SH3RF3: variants seen among roughly 807,000 people sequenced by gnomAD.
The protein encoded by SH3RF3 is SH3 domain containing ring finger 3.
Under a neutral mutation model 66.3 loss-of-function variants are expected in SH3RF3, and 29 were observed. The ratio of observed to expected loss-of-function variants is 0.44; its 90% CI spans 0.33 to 0.60. The LOEUF (loss-of-function observed/expected upper bound fraction) is 0.60, where lower values mean the gene tolerates loss of function less well. SH3RF3 is among the 20% of genes least tolerant of loss of function. The pLI, the probability that SH3RF3 is intolerant of heterozygous loss-of-function variation, is 0.04. For missense variants in SH3RF3, 1,194 were observed against 1,190.9 expected (o/e 1.00, Z -0.04); for synonymous variants, 583 against 532.0 (o/e 1.10, Z -1.32).
intron 1 of SH3RF3, among the ~76,000 whole-genome samples, chr2:109,292,521 C>G (rs932195891): frequency 6.6e-6 from 1 of 152,156 alleles, no homozygotes; most frequent in Non-Finnish European, 1.5e-5. Flanking sequence ...TTCACCTATC[C>G]GACGTTTAGC....
At position 109,315,783 on chromosome 2, in the gene SH3RF3, T is replaced by G. The variant is rs183070608; in HGVS notation, c.574-31891T>G. On this transcript the variant is annotated intron_variant, in intron 1 of 9. Transcript: ENST00000309415. ...TTAGAGTATTCAGGTGAATGCCGGT[T>G]GCTGCCTTGGTGTGGAAGGGACGTC... is the stretch of plus-strand genomic sequence containing the variant. Among the ~76,000 whole-genome samples, 1,226 of 152,356 alleles carry G rather than the reference T, an allele frequency of 8.0e-3. 17 individuals carry two copies. The highest frequency in any genetic ancestry group is 0.011 in the Non-Finnish European group (731 of 68,038).
chr2:109,488,813 G>C (rs567110484), intron 8 of SH3RF3, among the ~76,000 whole-genome samples: 1 of 152,312 alleles, frequency 6.6e-6, no homozygotes, highest in East Asian at 1.9e-4. Context: ...CAACCTCCAG[G>C]GCCTGGCACG....
intron 1 of SH3RF3, among the ~76,000 whole-genome samples, chr2:109,299,203 G>C (rs546549289): frequency 6.6e-6 from 1 of 152,210 alleles, no homozygotes; most frequent in Non-Finnish European, 1.5e-5. Context: ...TTAAAACTGC[G>C]ACCCTGCCTC....
At chr2:109,207,013 G>T (rs557757210) in intron 1 of SH3RF3, among the ~76,000 whole-genome samples, 2 of 152,292 alleles carry the variant, frequency 1.3e-5, no homozygotes, top group Admixed American at 1.3e-4. Context: ...ATTTGCAGGA[G>T]GTGAGAACCA....
Position 109,490,635 on chromosome 2 carries a change from C to T in SH3RF3, c.2179C>T (p.Leu727=), listed in dbSNP as rs1219340447. ...GAAGAAGAGTGGGCTCCTGAAGCTT[C>T]TAGCCGGAGCATCCACCAAGAAGAA... ...KEKKSGLLKL[L]AGASTKKKSR... The change falls in exon 9 of 10, where the codon CTA becomes TTA. Residue 727 remains leucine (L), a synonymous_variant. Coordinates refer to ENST00000309415, the MANE Select transcript of SH3RF3 (RefSeq NM_001099289.3). 4 of 1,485,160 alleles carry T rather than the reference C, an allele frequency of 2.7e-6. No individual in the cohort carries two copies. The highest frequency in any genetic ancestry group is 3.6e-6 in the Non-Finnish European group (4 of 1,115,444). The allele number at this position is 1,485,160 out of a possible 1,614,324, so 92.0% of individuals were successfully genotyped here.
intron 1 of SH3RF3, among the ~76,000 whole-genome samples, chr2:109,196,578 T>A (rs1678503725): frequency 6.6e-6 from 1 of 152,108 alleles, no homozygotes. Flanking sequence ...TGGCCCTACA[T>A]CATGTGGCTG....
At chr2:109,375,852 A>G (rs1397847025) in intron 3 of SH3RF3, among the ~76,000 whole-genome samples, 3 of 152,240 alleles carry the variant, frequency 2.0e-5, no homozygotes, top group Non-Finnish European at 4.4e-5. Flanking sequence ...TGGCAGGACC[A>G]TGAGCAGCCC....
chr2:109,157,564 T>C (rs1250643728), intron 1 of SH3RF3, among the ~76,000 whole-genome samples: 1 of 152,212 alleles, frequency 6.6e-6, no homozygotes, highest in Non-Finnish European at 1.5e-5. Flanking sequence ...AAAGATTTCC[T>C]TGGTCTCATC....
intron 1 of SH3RF3, among the ~76,000 whole-genome samples, chr2:109,156,429 A>G (rs1677346494): frequency 6.7e-6 from 1 of 150,360 alleles, no homozygotes; most frequent in African/African-American, 2.4e-5. Flanking sequence ...GAGAGGATAC[A>G]CTAAGGGATG....
intron 8 of SH3RF3, among the ~76,000 whole-genome samples, chr2:109,484,563 C>T (rs1466802909): frequency 6.6e-6 from 1 of 152,230 alleles, no homozygotes; most frequent in Non-Finnish European, 1.5e-5. Context: ...TGTGGAGTTA[C>T]CTCCTGCCCT....
At chr2:109,290,535 A>G (rs1026756239) in intron 1 of SH3RF3, among the ~76,000 whole-genome samples, 36 of 152,226 alleles carry the variant, frequency 2.4e-4, no homozygotes, top group African/African-American at 8.7e-4. Context: ...ATGCCTAGCT[A>G]GGCTATGTCC....
intron 5 of SH3RF3, among the ~76,000 whole-genome samples, chr2:109,420,310 A>G (rs1311357478): frequency 6.6e-6 from 1 of 152,218 alleles, no homozygotes; most frequent in African/African-American, 2.4e-5. Context: ...TGTTAGGGTG[A>G]AGTCTATGAA....
In SH3RF3 at chr2:109,279,541, A is replaced by C. The variant is rs542489081; in HGVS notation, c.574-68133A>C. ...GCCCCCTCCATCACCCTTGTCCTACAGGTCAGGGCTGGAATGAGGAGCACT... is the reference window on the plus strand; with the variant it reads ...GCCCCCTCCATCACCCTTGTCCTACCGGTCAGGGCTGGAATGAGGAGCACT... On this transcript the variant is annotated intron_variant, in intron 1 of 9. Transcript: ENST00000309415. 3.1e-4 allele frequency among the ~76,000 whole-genome samples: 47 copies of C among 152,288 alleles called. 2 individuals carry two copies. The South Asian group carries it at 9.7e-3, about 32-fold the overall frequency.
intron 9 of SH3RF3, among the ~76,000 whole-genome samples, chr2:109,493,520 C>A: frequency 6.6e-6 from 1 of 151,440 alleles, no homozygotes; most frequent in East Asian, 1.9e-4. Flanking sequence ...TCACACACAC[C>A]ATTGCATACC....
At chr2:109,155,686 C>T (rs1432140149) in intron 1 of SH3RF3, among the ~76,000 whole-genome samples, 1 of 152,156 alleles carries the variant, frequency 6.6e-6, no homozygotes, top group South Asian at 2.1e-4. Flanking sequence ...TGAATTGTAA[C>T]ACTGTTCCCA....
chr2:109,325,999 C>G (rs1682145370), intron 1 of SH3RF3, among the ~76,000 whole-genome samples: 1 of 152,256 alleles, frequency 6.6e-6, no homozygotes, highest in South Asian at 2.1e-4. Context: ...AGAACAACAA[C>G]AAACATTAGT....
chr2:109,485,110 T>A (rs556656400), intron 8 of SH3RF3, among the ~76,000 whole-genome samples: 1 of 152,234 alleles, frequency 6.6e-6, no homozygotes, highest in Non-Finnish European at 1.5e-5. Flanking sequence ...CTTTGCAAAT[T>A]GAGTCCCTTT....
rs551049403 is a variant in SH3RF3 at position 109,134,473 on chromosome 2, T to G, written c.573+4360T>G. 3.9e-5 allele frequency among the ~76,000 whole-genome samples: 6 copies of G among 152,226 alleles called. No homozygotes were observed. The South Asian group carries it at 1.2e-3, about 32-fold the overall frequency. ...GAAACAGCAGTTTGCAGCCAGCGAG[T>G]GAATAATCTAAATTATTATTTATTG... On this transcript the variant is annotated intron_variant, in intron 1 of 9. Transcript: ENST00000309415.
chr2:109,313,899 T>TG (rs11392657), intron 1 of SH3RF3, among the ~76,000 whole-genome samples: 47,396 of 151,932 alleles, frequency 0.31, 9,173 homozygotes, highest in African/African-American at 0.55. Flanking sequence ...AGGAGATATT[T>TG]GAAAGGTGTG....
Sources: gnomAD v4.1 joint callset for allele counts (sites outside exome capture counted in the v4.1 genomes callset) on GRCh38, gnomAD v4.1.1 for gene constraint, MANE v1.5 for transcripts, NCBI Gene and HGNC (gene_info 2026-07-23, HGNC 2026-07-21) for gene names.